The following C10orf90 variants were observed in gnomAD, a reference collection of about 807,000 sequenced individuals.
The protein encoded by C10orf90 is (E2-independent) E3 ubiquitin-conjugating enzyme FATS.
A neutral mutation model predicts 62.5 loss-of-function variants in C10orf90; 56 were observed. The ratio of observed to expected loss-of-function variants is 0.90; its 90% CI spans 0.72 to 1.12. The LOEUF is 1.12. Ranked by LOEUF, C10orf90 falls within the 50% of genes most tolerant of loss-of-function variation. The pLI is 0.00. For missense variants in C10orf90, 970 were observed against 880.4 expected (o/e 1.10, Z -1.29); for synonymous variants, 386 against 340.4 (o/e 1.13, Z -1.47).
At chr10:126,562,231 C>T (rs910610153) in intron 2 of C10orf90, among the ~76,000 whole-genome samples, 1 of 152,214 alleles carries the variant, frequency 6.6e-6, no homozygotes, top group African/African-American at 2.4e-5. Flanking sequence ...GTGCTAGCAT[C>T]TGCCAACTTC....
intron 2 of C10orf90, among the ~76,000 whole-genome samples, chr10:126,613,515 G>T (rs1224898128): frequency 6.6e-6 from 1 of 152,134 alleles, no homozygotes; most frequent in Non-Finnish European, 1.5e-5. Flanking sequence ...CAAAGTGCTG[G>T]GATTACAGGC....
Position 126,464,876 on chromosome 10 carries a change from C to T in C10orf90, c.1645G>A (p.Gly549Arg). The T allele has an allele frequency of 6.2e-7, 1 of 1,614,170 alleles. No individual in the cohort carries two copies. The highest frequency in any genetic ancestry group is 8.5e-7 in the Non-Finnish European group (1 of 1,180,026). ...QKPTRHFLPI[G>R]DSSPSDDCLS... ...CAGTCATCGCTTGGAGAGCTATCCCCAATGGGAAGGAAATGTCTAGTGGGC... is the reference window on the plus strand; with the variant it reads ...CAGTCATCGCTTGGAGAGCTATCCCTAATGGGAAGGAAATGTCTAGTGGGC... Residue 549 changes from glycine (G) to arginine (R), a missense_variant, in exon 5 of 10, where the codon GGG becomes AGG. By Grantham distance (125) the Gly-to-Arg change is moderately radical (BLOSUM62 -2). Coordinates refer to ENST00000488181, the MANE Select transcript of C10orf90 (RefSeq NM_001350921.2).
At chr10:126,519,697 G>C (rs560435706) in intron 2 of C10orf90, among the ~76,000 whole-genome samples, 1 of 152,292 alleles carries the variant, frequency 6.6e-6, no homozygotes, top group African/African-American at 2.4e-5. Flanking sequence ...AATCATCTTG[G>C]TGTGATTTGG....
At chr10:126,512,412 C>CTGTGTGTCTGTG (rs1564847215) in intron 3 of C10orf90, among the ~76,000 whole-genome samples, 272 of 85,008 alleles carry the variant, frequency 3.2e-3, no homozygotes, top group African/African-American at 0.018. Context: ...GTCTGTGTGT[C>CTGTGTGTCTGTG]TGTGTGTGTG....
At chr10:126,667,734 G>A (rs76179482) in intron 1 of C10orf90, among the ~76,000 whole-genome samples, 5 of 152,080 alleles carry the variant, frequency 3.3e-5, no homozygotes, top group African/African-American at 9.7e-5. Context: ...CTTGCCATGC[G>A]GACAGAAGGC....
chr10:126,524,755 C>T (rs1043600710), intron 2 of C10orf90: 1 of 985,466 alleles, frequency 1.0e-6, no homozygotes, highest in Non-Finnish European at 1.2e-6. Context: ...CCTAGGGTGC[C>T]ATCTAGCTCT....
intron 4 of C10orf90, among the ~76,000 whole-genome samples, chr10:126,473,120 C>A (rs1860670301): frequency 6.6e-6 from 1 of 152,174 alleles, no homozygotes; most frequent in South Asian, 2.1e-4. Flanking sequence ...CATCCAATGG[C>A]CATCATCTCC....
intron 4 of C10orf90, among the ~76,000 whole-genome samples, chr10:126,486,159 TGTAG>T (rs757714416): frequency 9.9e-5 from 15 of 152,164 alleles, no homozygotes; most frequent in Non-Finnish European, 2.1e-4. Context: ...GACCTGAGAA[TGTAG>T]GAAGTCAGAC....
chr10:126,518,739 G>C (rs1285796981), intron 2 of C10orf90, among the ~76,000 whole-genome samples: 1 of 152,120 alleles, frequency 6.6e-6, no homozygotes, highest in Non-Finnish European at 1.5e-5. Context: ...TCTCTCCTAA[G>C]ATGACTGGAA....
At chr10:126,562,253 C>G (rs989588023) in intron 2 of C10orf90, among the ~76,000 whole-genome samples, 2 of 152,220 alleles carry the variant, frequency 1.3e-5, no homozygotes, top group Non-Finnish European at 2.9e-5. Context: ...CACATCCAAA[C>G]TGATTTGCCT....
intron 2 of C10orf90, among the ~76,000 whole-genome samples, chr10:126,547,484 ATCTT>A (rs1449972238): frequency 6.2e-5 from 9 of 146,236 alleles, no homozygotes; most frequent in African/African-American, 2.3e-4. Flanking sequence ...AACCAGAAAC[ATCTT>A]TAACTGAGTG....
chr10:126,440,826 T>C (rs1041228880), intron 7 of C10orf90, among the ~76,000 whole-genome samples: 2 of 151,992 alleles, frequency 1.3e-5, no homozygotes, highest in Non-Finnish European at 2.9e-5. Flanking sequence ...GAAGCCACAT[T>C]CATAGGAAAA....
chr10:126,661,538 T>C (rs1164357081), intron 1 of C10orf90, among the ~76,000 whole-genome samples: 1 of 152,210 alleles, frequency 6.6e-6, no homozygotes, highest in African/African-American at 2.4e-5. Flanking sequence ...TTGGCTGAAA[T>C]GTGGATATGG....
chr10:126,529,315 G>A (rs1182719744), intron 2 of C10orf90, among the ~76,000 whole-genome samples: 2 of 152,020 alleles, frequency 1.3e-5, no homozygotes, highest in South Asian at 2.1e-4. Flanking sequence ...AATAGGAAAG[G>A]ATGTCTTTAG....
At chr10:126,663,966 T>C (rs1157897506) in intron 1 of C10orf90, among the ~76,000 whole-genome samples, 1 of 152,118 alleles carries the variant, frequency 6.6e-6, no homozygotes, top group Non-Finnish European at 1.5e-5. Flanking sequence ...ATGTCGAAAA[T>C]GCCTCATTAA....
At chr10:126,661,566 AATT>A (rs1846512695) in intron 1 of C10orf90, among the ~76,000 whole-genome samples, 1 of 152,100 alleles carries the variant, frequency 6.6e-6, no homozygotes. Flanking sequence ...ACAAGTTCCC[AATT>A]CCCTGATGGA....
Position 126,504,623 on chromosome 10 carries a change from A to C in C10orf90, c.868T>G (p.Phe290Val), listed in dbSNP as rs771575130. The C allele has an allele frequency of 1.2e-6, 2 of 1,614,210 alleles. No homozygotes were observed. The highest frequency in any genetic ancestry group is 2.2e-5 in the East Asian group (1 of 44,866). Residue 290 changes from phenylalanine to valine, a missense_variant, in exon 4 of 10, where the codon TTT (phenylalanine) becomes GTT (valine). Phe to Val is a conservative substitution (Grantham distance 50). Transcript: ENST00000488181. The surrounding 1 kb of genome is among the most constrained non-coding windows in gnomAD (Gnocchi z 4.1). The part of the protein sequence containing the change: ...GAHPGRHQRS[F>V]ACTEFSRNSS... ...TTTCTGGAGAACTCTGTGCAGGCAA[A>C]AGATCTCTGATGCCGACCTGGATGG...
intron 2 of C10orf90, among the ~76,000 whole-genome samples, chr10:126,575,162 A>G (rs1028910809): frequency 1.3e-5 from 2 of 152,102 alleles, no homozygotes; most frequent in African/African-American, 4.8e-5. Flanking sequence ...GCAATTCGGC[A>G]AGAAAAATAA....
rs371261665 is a variant in C10orf90, at chr10:126,504,249, T to G, written c.1242A>C (p.Glu414Asp). 3.7e-6 allele frequency: 6 copies of G among 1,614,094 alleles called. No homozygotes were observed. The highest frequency in any genetic ancestry group is 5.1e-6 in the Non-Finnish European group (6 of 1,180,054). Residue 414 changes from glutamate to aspartate, a missense_variant, in exon 4 of 10, where the codon GAA becomes GAC. By Grantham distance (45) the Glu-to-Asp change is conservative (BLOSUM62 2). Coordinates refer to ENST00000488181, the MANE Select transcript of C10orf90 (RefSeq NM_001350921.2). This position sits in a 1 kb window ranked among gnomAD's most constrained non-coding sequence, Gnocchi z 4.1. ...CCTCCAGGAGCTCCTGCTTCAGGGC[T>G]TCGCTTATTGGCTCTCTGTTCACTA... is the stretch of plus-strand genomic sequence containing the variant. ...DGLVNREPIS[E>D]ALKQELLEGD... is the part of the protein sequence containing the mutation.
Sources: allele counts gnomAD v4.1 joint callset (sites outside exome capture counted in the v4.1 genomes callset), GRCh38; gene constraint gnomAD v4.1.1; non-coding constraint Gnocchi (gnomAD v3.1); transcripts MANE v1.5; gene names NCBI Gene and HGNC (gene_info 2026-07-23, HGNC 2026-07-21).